Variants in CHTF18 observed in about 807,000 individuals in gnomAD.
CHTF18 encodes the protein chromosome transmission fidelity factor 18, also known as chromosome transmission fidelity protein 18 homolog.
In CHTF18, 151 loss-of-function variants were observed where a neutral mutation model predicts 113.4. The observed-to-expected ratio is 1.33, with a 90% CI of 1.17 to 1.52. The LOEUF is 1.52. Among genes scored for constraint, CHTF18 ranks in the 40% most tolerant of loss-of-function variants. CHTF18 has a pLI of 0.00. For missense variants in CHTF18, 1,982 were observed against 1,381.6 expected (o/e 1.43, Z -6.89); for synonymous variants, 916 against 598.8 (o/e 1.53, Z -7.74).
At chr16:794,704 T>G in intron 15 of CHTF18, 1 of 234,926 alleles carries the variant, frequency 4.3e-6, no homozygotes, top group Non-Finnish European at 8.4e-6. Context: ...AGGGGCAGCG[T>G]GGAGCAGCGG....
intron 4 of CHTF18, 78 bp downstream of exon 4, chr16:789,793 G>A (rs2151640720): frequency 4.1e-6 from 6 of 1,452,702 alleles, no homozygotes; most frequent in East Asian, 2.5e-5. Context: ...CCTCACCCCT[G>A]CCATTTGCTT....
At chr16:797,772 G>A (rs371341844) in intron 21 of CHTF18, 21 bp downstream of exon 21, 20 of 1,608,426 alleles carry the variant, frequency 1.2e-5, no homozygotes, top group Non-Finnish European at 1.5e-5. Context: ...GGGTGTTGTG[G>A]GGTTGTGGGG....
At chr16:794,868 C>G (rs1255450180) in intron 15 of CHTF18, 1 of 465,178 alleles carries the variant, frequency 2.1e-6, no homozygotes, top group East Asian at 4.3e-5. Context: ...TCGTGTCAGT[C>G]TCTGTCAAGT....
chr16:791,036 CGGG>C, intron 7 of CHTF18, 122 bp from the exon 8 acceptor site: 1 of 1,482,230 alleles, frequency 6.7e-7, no homozygotes, highest in Non-Finnish European at 9.0e-7. Context: ...GGCAGGAAGA[CGGG>C]GGTGGCCATT....
Position 789,298 on chromosome 16 carries a change from C to G in CHTF18, c.375C>G (p.Ser125=). The part of the protein sequence containing the change: ...EEMEEPPPPD[S]SPTDITPPPS... ...TGGAGGAGCCGCCCCCTCCCGACTC[C>G]TCGCCGACGGACATCACCCCGCCGC... is the stretch of plus-strand genomic sequence containing the variant. The change falls in exon 3 of 22, where the codon TCC becomes TCG. Residue 125 remains serine (S), a synonymous_variant. Transcript: ENST00000262315. 1.3e-6 allele frequency: 2 copies of G among 1,594,048 alleles called. No individual in the cohort carries two copies. Among genetic ancestry groups the G allele is most frequent in the South Asian group, 1.1e-5 (1 of 88,104 alleles).
In CHTF18 at chr16:789,786, C is replaced by T. The variant is rs1006355248; in HGVS notation, c.606+71C>T. ...TCAGGAAAGGGTCCTTGGAGCCCCT[C>T]ACCCCTGCCATTTGCTTAAAGCGGG... is the stretch of plus-strand genomic sequence containing the variant. On this transcript the variant is annotated intron_variant, in intron 4 of 21. Transcript: ENST00000262315. 6 of 1,461,390 alleles carry T rather than the reference C, an allele frequency of 4.1e-6. No individual in the cohort carries two copies. The African/African-American group carries it at 4.2e-5, about 10-fold the overall frequency. 90.5% of individuals were successfully genotyped at this position (1,461,390 alleles called of 1,614,324 possible). A position where few individuals can be genotyped will look rare whatever the true frequency, so the allele number is the denominator to read the frequency against.
At position 797,009 on chromosome 16, in the gene CHTF18, G is replaced by A. The variant is rs533449448; in HGVS notation, c.2650G>A (p.Glu884Lys). 53 of 1,553,222 alleles carry A rather than the reference G, an allele frequency of 3.4e-5. 1 individual carries two copies. In the South Asian group the frequency reaches 5.8e-4, roughly 17 times the overall value. The change falls in exon 20 of 22, where the codon GAG becomes AAG. Residue 884 changes from glutamate to lysine, a missense_variant. Glu to Lys is a moderately conservative substitution (Grantham distance 56). Coordinates refer to ENST00000262315, the MANE Select transcript of CHTF18 (RefSeq NM_022092.3). The part of the protein sequence containing the change: ...GLEGLLGGIG[E>K]KGVHRPAPRN... ...CGAGGGTCTGCTGGGGGGCATTGGG[G>A]AGAAAGGGGTGCACCGACCTGCCCC...
intron 9 of CHTF18, 46 bp from the exon 10 acceptor site, chr16:792,178 C>T (rs781630097): frequency 1.7e-5 from 26 of 1,541,542 alleles, no homozygotes; most frequent in South Asian, 4.8e-5. Context: ...GGCTGCCCTG[C>T]CAGGGACGCC....
intron 4 of CHTF18, 69 bp downstream of exon 4, chr16:789,784 C>T (rs1020783067): frequency 2.9e-5 from 42 of 1,466,662 alleles, no homozygotes; most frequent in Non-Finnish European, 3.7e-5. Flanking sequence ...CTTGGAGCCC[C>T]TCACCCCTGC....
At position 793,272 on chromosome 16, in the gene CHTF18, G is replaced by T. The variant is rs1379144609; in HGVS notation, c.1800G>T (p.Gln600His). 6.2e-7 allele frequency: 1 copy of T among 1,606,358 alleles called. No individual in the cohort carries two copies. Among genetic ancestry groups the T allele is most frequent in the Non-Finnish European group, 8.5e-7 (1 of 1,178,202 alleles). ...AGGTCTTCCAGCTGCCTCGAGCCCA[G>T]AGGTAGGCGGTGGCCACAGCCTCGG... ...WQEVFQLPRA[Q>H]RRRVGQDPAL... is the part of the protein sequence containing the mutation. Residue 600 changes from glutamine to histidine, a missense_variant and splice_region_variant, in exon 14 of 22, where the codon CAG (glutamine) becomes CAT (histidine). Gln to His is a conservative substitution (Grantham distance 24). Coordinates refer to ENST00000262315, the MANE Select transcript of CHTF18 (RefSeq NM_022092.3).
At position 788,965 on chromosome 16, in the gene CHTF18, G is replaced by T; in HGVS notation, c.126G>T (p.Leu42=). Residue 42 remains leucine (L), a synonymous_variant, in exon 2 of 22, where the codon CTG becomes CTT. Coordinates refer to ENST00000262315, the MANE Select transcript of CHTF18 (RefSeq NM_022092.3). ...ASTPSPSGVP[L]FTAGRPPRTF... is the part of the protein sequence containing the mutation. ...CTCCGTCGCCCTCCGGGGTCCCCCT[G>T]TTCACCGCGGGCCGACCCCCGCGGA... 6.4e-7 allele frequency: 1 copy of T among 1,570,602 alleles called. No homozygotes were observed. The highest frequency in any genetic ancestry group is 8.6e-7 in the Non-Finnish European group (1 of 1,165,906).
chr16:790,845 C>T (rs2042177631), intron 7 of CHTF18, 179 bp downstream of exon 7: 24 of 1,431,410 alleles, frequency 1.7e-5, no homozygotes, highest in African/African-American at 4.3e-5. Flanking sequence ...TACTGGTCCC[C>T]TGTGACCTGT....
rs2042326508 is a variant in CHTF18, at chr16:795,779, T to C, written c.2270T>C (p.Leu757Pro). 1 of 1,609,640 alleles carries C rather than the reference T, an allele frequency of 6.2e-7. No individual in the cohort carries two copies. Among genetic ancestry groups the C allele is most frequent in the Non-Finnish European group, 8.5e-7 (1 of 1,178,914 alleles). ...ATRSRATPQALLLDALCLLLD... is the reference protein window; with the variant it reads ...ATRSRATPQAPLLDALCLLLD... ...CGCAGCCGGGCCACGCCCCAGGCCCTGCTCCTCGATGCCCTCTGCCTGCTC... is the reference window on the plus strand; with the variant it reads ...CGCAGCCGGGCCACGCCCCAGGCCCCGCTCCTCGATGCCCTCTGCCTGCTC... The change falls in exon 17 of 22, where the codon CTG becomes CCG. Residue 757 changes from leucine to proline, a missense_variant. Leu to Pro is a moderately conservative substitution (Grantham distance 98, BLOSUM62 -3). Coordinates refer to ENST00000262315, the MANE Select transcript of CHTF18 (RefSeq NM_022092.3).
At chr16:793,989 G>T in intron 14 of CHTF18, 65 bp from the exon 15 acceptor site, 1 of 1,556,534 alleles carries the variant, frequency 6.4e-7, no homozygotes, top group Admixed American at 1.7e-5. Flanking sequence ...AGTGTCCCGG[G>T]GAGACGGGTG....
In CHTF18 at chr16:791,691, C is replaced by T. The variant is rs897128541; in HGVS notation, c.1105-160C>T. The T allele has an allele frequency of 1.2e-5, 17 of 1,429,860 alleles. No homozygotes were observed. In the South Asian group the frequency reaches 1.3e-4, roughly 11 times the overall value. The allele number at this position is 1,429,860 out of a possible 1,614,324, so 88.6% of individuals were successfully genotyped here. On this transcript the variant is annotated intron_variant, in intron 8 of 21. Transcript: ENST00000262315. Reference sequence around the variant, plus strand: ...TGTAGGTTTTTTTTTCCGTTGCCATCTTGGTGTGTGAAAGTGCTCAATTTT... The same window carrying T: ...TGTAGGTTTTTTTTTCCGTTGCCATTTTGGTGTGTGAAAGTGCTCAATTTT...
intron 8 of CHTF18, 76 bp from the exon 9 acceptor site, chr16:791,775 G>A (rs1268990665): frequency 6.6e-7 from 1 of 1,518,558 alleles, no homozygotes; most frequent in Non-Finnish European, 8.8e-7. Context: ...GGACACATGT[G>A]GCAGTCCCTG....
At chr16:793,684 C>T (rs757136046) in intron 14 of CHTF18, 10 of 583,892 alleles carry the variant, frequency 1.7e-5, no homozygotes, top group South Asian at 3.3e-5. Flanking sequence ...TCTGTCCTGA[C>T]GTGCCATGGG....
intron 15 of CHTF18, among the ~76,000 whole-genome samples, 156 bp downstream of exon 15, chr16:794,357 G>A (rs1488202151): frequency 6.6e-6 from 1 of 152,166 alleles, no homozygotes; most frequent in Non-Finnish European, 1.5e-5. Context: ...AGTCTCTGAG[G>A]TGGGGAGCAG....
chr16:797,066 A>G lies in CHTF18; in HGVS notation c.2707A>G (p.Met903Val). 1.3e-6 allele frequency: 2 copies of G among 1,546,024 alleles called. No individual in the cohort carries two copies. Among genetic ancestry groups the G allele is most frequent in the South Asian group, 1.2e-5 (1 of 80,920 alleles). ...RNHEQRLEHI[M>V]RRAAREEQPE... The stretch of plus-strand genomic sequence containing the variant: ...CCATGAGCAGCGGCTGGAGCACATC[A>G]TGAGGCGAGCGGCCCGGGAGGAACA... The change falls in exon 20 of 22, where the codon ATG becomes GTG. Residue 903 changes from methionine (M) to valine (V), a missense_variant. Met to Val is a conservative substitution (Grantham distance 21). Coordinates refer to ENST00000262315, the MANE Select transcript of CHTF18 (RefSeq NM_022092.3).
Sources: allele counts gnomAD v4.1 joint callset (sites outside exome capture counted in the v4.1 genomes callset), GRCh38; gene constraint gnomAD v4.1.1; transcripts MANE v1.5; gene names NCBI Gene and HGNC (gene_info 2026-07-23, HGNC 2026-07-21).